Variants in MACROD2 observed in about 807,000 individuals in gnomAD.
MACROD2 encodes ADP-ribose glycohydrolase MACROD2.
Under a neutral mutation model 70.4 loss-of-function variants are expected in MACROD2, and 36 were observed. The ratio of observed to expected loss-of-function variants is 0.51; its 90% CI spans 0.39 to 0.68. MACROD2 has a LOEUF of 0.68. Among genes scored for constraint, MACROD2 ranks in the 30% least tolerant of loss-of-function variants. The pLI is 0.00. For synonymous variants in MACROD2, 172 were observed against 178.8 expected (o/e 0.96, Z 0.30); for missense variants, 496 against 538.4 (o/e 0.92, Z 0.78).
chr20:14,829,362 C>G (rs976215478), intron 5 of MACROD2, among the ~76,000 whole-genome samples: 1 of 151,764 alleles, frequency 6.6e-6, no homozygotes, highest in Non-Finnish European at 1.5e-5. Flanking sequence ...AATCTCCTGA[C>G]CTCGTGATCC....
intron 7 of MACROD2, among the ~76,000 whole-genome samples, chr20:15,470,171 T>C (rs2046946201): frequency 1.3e-5 from 2 of 152,154 alleles, no homozygotes; most frequent in Admixed American, 6.5e-5. Context: ...TGCCTCAGTC[T>C]CCCAAGTAGC....
At chr20:15,991,861 G>T (rs1235486112) in intron 15 of MACROD2, among the ~76,000 whole-genome samples, 1 of 151,876 alleles carries the variant, frequency 6.6e-6, no homozygotes, top group Non-Finnish European at 1.5e-5. Flanking sequence ...TCTCTGTTTG[G>T]GTTTTATGAA....
chr20:14,711,658 C>A (rs12105992), intron 5 of MACROD2, among the ~76,000 whole-genome samples: 47,974 of 151,884 alleles, frequency 0.32, 7,674 homozygotes, highest in East Asian at 0.36. Context: ...GGGGCCAAAC[C>A]TTCAACTTCA....
intron 8 of MACROD2, among the ~76,000 whole-genome samples, chr20:15,536,124 C>T (rs149987578): frequency 8.3e-4 from 126 of 152,312 alleles, no homozygotes; most frequent in African/African-American, 2.9e-3. Context: ...CTCATCAGCA[C>T]TTCTGATTTC....
At chr20:14,860,264 G>A (rs398777) in intron 5 of MACROD2, among the ~76,000 whole-genome samples, 14,510 of 152,126 alleles carry the variant, frequency 0.095, 887 homozygotes, top group Non-Finnish European at 0.14. Flanking sequence ...CAAGTGCAAG[G>A]TCTGTGTCAT....
At chr20:15,075,708 G>T (rs548060543) in intron 5 of MACROD2, among the ~76,000 whole-genome samples, 5 of 152,172 alleles carry the variant, frequency 3.3e-5, no homozygotes, top group African/African-American at 1.2e-4. Flanking sequence ...GTCCTAAATT[G>T]ATTTAAACCT....
intron 4 of MACROD2, among the ~76,000 whole-genome samples, chr20:14,579,886 G>T (rs984913353): frequency 2.6e-5 from 4 of 152,166 alleles, no homozygotes; most frequent in Non-Finnish European, 5.9e-5. Flanking sequence ...AGGCAGACCA[G>T]CAGGTTTCAG....
intron 5 of MACROD2, among the ~76,000 whole-genome samples, chr20:14,820,122 C>G (rs2122204752): frequency 6.6e-6 from 1 of 152,096 alleles, no homozygotes; most frequent in South Asian, 2.1e-4. Context: ...AGAGTTTGCA[C>G]TGAAGAAGGG....
chr20:14,232,176 T>C (rs1319243957), intron 3 of MACROD2, among the ~76,000 whole-genome samples: 1 of 149,830 alleles, frequency 6.7e-6, no homozygotes, highest in Admixed American at 6.7e-5. Flanking sequence ...TTGGCTTTTG[T>C]TGCCATTGCT....
chr20:15,555,125 G>A (rs1472775249), intron 8 of MACROD2, among the ~76,000 whole-genome samples: 1 of 152,212 alleles, frequency 6.6e-6, no homozygotes, highest in Non-Finnish European at 1.5e-5. Flanking sequence ...GAAGGAGTGT[G>A]TGAAGGGGAT....
intron 15 of MACROD2, among the ~76,000 whole-genome samples, chr20:15,989,861 A>G (rs1332426547): frequency 1.1e-5 from 1 of 91,428 alleles, no homozygotes; most frequent in East Asian, 3.3e-4. Context: ...CAGGAAAAAT[A>G]TATAACCTTT....
chr20:16,024,148 A>G (rs1281417134), intron 15 of MACROD2, among the ~76,000 whole-genome samples: 2 of 152,172 alleles, frequency 1.3e-5, no homozygotes, highest in Non-Finnish European at 2.9e-5. Context: ...TTTGGATCAC[A>G]GTCTAATGCT....
chr20:15,180,896 A>G (rs1162706024), intron 5 of MACROD2, among the ~76,000 whole-genome samples: 1 of 152,246 alleles, frequency 6.6e-6, no homozygotes, highest in Non-Finnish European at 1.5e-5. Flanking sequence ...GTGCAATTTT[A>G]TATTCCAATT....
chr20:14,614,693 G>T (rs1349134229), intron 4 of MACROD2, among the ~76,000 whole-genome samples: 1 of 152,084 alleles, frequency 6.6e-6, no homozygotes, highest in Non-Finnish European at 1.5e-5. Context: ...TAAAGACCTT[G>T]CAGGACCACA....
chr20:14,216,693 T>G (rs2081625615), intron 3 of MACROD2, among the ~76,000 whole-genome samples: 1 of 152,160 alleles, frequency 6.6e-6, no homozygotes, highest in African/African-American at 2.4e-5. Flanking sequence ...AGCAGTGTTT[T>G]GTAGGTTTCC....
chr20:14,254,248 T>C (rs1434696426), intron 3 of MACROD2, among the ~76,000 whole-genome samples: 2 of 152,050 alleles, frequency 1.3e-5, no homozygotes, highest in Non-Finnish European at 2.9e-5. Context: ...TTGTCCTAAT[T>C]CTCTCAAAAA....
chr20:15,345,387 C>T (rs537600384), intron 6 of MACROD2, among the ~76,000 whole-genome samples: 22 of 152,232 alleles, frequency 1.4e-4, no homozygotes, highest in African/African-American at 5.3e-4. Flanking sequence ...TGTCTGTATC[C>T]AGCAGCCCAT....
chr20:14,994,569 A>G (rs1187057192), intron 5 of MACROD2, among the ~76,000 whole-genome samples: 1 of 152,140 alleles, frequency 6.6e-6, no homozygotes, highest in Non-Finnish European at 1.5e-5. Flanking sequence ...AGCCTGGGCA[A>G]CAAAGTGAGA....
At chr20:14,961,603 C>T (rs1255716990) in intron 5 of MACROD2, among the ~76,000 whole-genome samples, 1 of 152,076 alleles carries the variant, frequency 6.6e-6, no homozygotes, top group East Asian at 1.9e-4. Flanking sequence ...TCACAGCTCA[C>T]TGCAGCCTAG....
Sources: gnomAD v4.1 joint callset for allele counts (sites outside exome capture counted in the v4.1 genomes callset) on GRCh38, gnomAD v4.1.1 for gene constraint, MANE v1.5 for transcripts, NCBI Gene and HGNC (gene_info 2026-07-23, HGNC 2026-07-21) for gene names.